ATXN7L1: variants seen among roughly 807,000 people sequenced by gnomAD.
ATXN7L1 encodes the protein ataxin-7-like protein 1.
In ATXN7L1, 15 loss-of-function variants were observed where a neutral mutation model predicts 70.8. The observed-to-expected ratio is 0.21, with a 90% CI of 0.14 to 0.33. The LOEUF is 0.33. Ranked by LOEUF, ATXN7L1 falls within the 10% of genes least tolerant of loss-of-function variation. The pLI, the probability that ATXN7L1 is intolerant of heterozygous loss-of-function variation, is 1.00. For missense variants in ATXN7L1, 975 were observed against 1,097.1 expected (o/e 0.89, Z 1.57); for synonymous variants, 440 against 445.1 (o/e 0.99, Z 0.14).
chr7:105,727,771 T>C (rs1418202612), intron 3 of ATXN7L1, among the ~76,000 whole-genome samples: 3 of 122,830 alleles, frequency 2.4e-5, no homozygotes, highest in African/African-American at 9.8e-5. Context: ...TATATATATA[T>C]ATATATACAC....
intron 9 of ATXN7L1, among the ~76,000 whole-genome samples, chr7:105,615,273 C>G (rs1398942919): frequency 6.6e-6 from 1 of 152,148 alleles, no homozygotes; most frequent in Non-Finnish European, 1.5e-5. Flanking sequence ...GCTTTGCTAC[C>G]TGGACACAGG....
Position 105,639,726 on chromosome 7 carries a change from A to G in ATXN7L1, c.863-157T>C, listed in dbSNP as rs1300304961. On this transcript the variant is annotated intron_variant, in intron 5 of 11. Coordinates refer to ENST00000419735, the MANE Select transcript of ATXN7L1 (RefSeq NM_020725.2). ...TTTTTTGTGTTTTGTTTTCTCAACC[A>G]GCTGCTAAAAGTCTTCCAGAACCGC... Among the ~76,000 whole-genome samples, 9 of 152,348 alleles carry G rather than the reference A, an allele frequency of 5.9e-5. No homozygotes were observed. The East Asian group carries it at 1.7e-3, about 29-fold the overall frequency.
intron 2 of ATXN7L1, among the ~76,000 whole-genome samples, chr7:105,850,310 A>G (rs1381810034): frequency 6.6e-6 from 1 of 152,200 alleles, no homozygotes; most frequent in African/African-American, 2.4e-5. Flanking sequence ...TCGGGAATAC[A>G]GCCTTCACCA....
chr7:105,638,241 GTAGTACTATT>G, intron 7 of ATXN7L1, 102 bp downstream of exon 7: 2 of 1,347,374 alleles, frequency 1.5e-6, no homozygotes, highest in Non-Finnish European at 2.0e-6. Flanking sequence ...GCCTTAGGAA[GTAGTACTATT>G]ATGATTTCCA....
intron 3 of ATXN7L1, among the ~76,000 whole-genome samples, chr7:105,710,403 T>C (rs1477330996): frequency 1.2e-4 from 2 of 17,360 alleles, no homozygotes; most frequent in Admixed American, 6.1e-4. Flanking sequence ...GCCATGCACT[T>C]TTTTTTTTTT....
chr7:105,831,416 T>C (rs1585106166), intron 2 of ATXN7L1, among the ~76,000 whole-genome samples: 1 of 152,184 alleles, frequency 6.6e-6, no homozygotes, highest in African/African-American at 2.4e-5. Flanking sequence ...AATTTCCAAC[T>C]CTGTGGGCTG....
At chr7:105,873,102 T>C (rs1169505535) in intron 2 of ATXN7L1, among the ~76,000 whole-genome samples, 1 of 151,980 alleles carries the variant, frequency 6.6e-6, no homozygotes, top group East Asian at 1.9e-4. Context: ...TGCAGTGAGC[T>C]GAGATTGCGC....
At chr7:105,658,523 CTTTTTTTT>C (rs36163594) in intron 4 of ATXN7L1, among the ~76,000 whole-genome samples, 3 of 107,398 alleles carry the variant, frequency 2.8e-5, no homozygotes, top group Non-Finnish European at 5.3e-5. Flanking sequence ...TGGCACATAA[CTTTTTTTT>C]TTTTTTTTTT....
chr7:105,792,031 G>A (rs1485826459), intron 2 of ATXN7L1, among the ~76,000 whole-genome samples: 8 of 152,200 alleles, frequency 5.3e-5, no homozygotes, highest in Non-Finnish European at 8.8e-5. Context: ...GTCGAGGCCT[G>A]TCAGGCTGCC....
chr7:105,751,076 A>T (rs1375561441), intron 3 of ATXN7L1, among the ~76,000 whole-genome samples: 6 of 152,150 alleles, frequency 3.9e-5, no homozygotes, highest in African/African-American at 1.2e-4. Context: ...CCAATTGCTG[A>T]ACATTTTTCT....
Position 105,875,794 on chromosome 7 carries a change from G to T in ATXN7L1, c.250+18C>A. On this transcript the variant is annotated intron_variant, in intron 2 of 11. Coordinates refer to ENST00000419735, the MANE Select transcript of ATXN7L1 (RefSeq NM_020725.2). ...CTGCCACACATGCTAACACTAAAAT[G>T]CCAGTAGCTCCACTTACCTTCTTTA... 6.2e-7 allele frequency: 1 copy of T among 1,602,686 alleles called. No homozygotes were observed. The highest frequency in any genetic ancestry group is 1.1e-5 in the South Asian group (1 of 90,754).
chr7:105,865,691 G>A (rs1563155436), intron 2 of ATXN7L1, among the ~76,000 whole-genome samples: 1 of 152,090 alleles, frequency 6.6e-6, no homozygotes, highest in Non-Finnish European at 1.5e-5. Flanking sequence ...GTGAGCCACT[G>A]CACCCGGGCC....
chr7:105,632,921 T>TAAAAAAA, intron 7 of ATXN7L1, among the ~76,000 whole-genome samples: 10 of 60,054 alleles, frequency 1.7e-4, no homozygotes, highest in Non-Finnish European at 2.5e-4. Context: ...ATCTTGTCTT[T>TAAAAAAA]AAAAAAAAAA....
intron 2 of ATXN7L1, among the ~76,000 whole-genome samples, chr7:105,795,285 C>T (rs963204386): frequency 3.1e-4 from 47 of 152,330 alleles, no homozygotes; most frequent in African/African-American, 9.4e-4. Context: ...ATGGGAGCAG[C>T]GTTTTATTCC....
At chr7:105,645,293 G>A (rs2094901695) in intron 4 of ATXN7L1, among the ~76,000 whole-genome samples, 1 of 152,042 alleles carries the variant, frequency 6.6e-6, no homozygotes, top group African/African-American at 2.4e-5. Flanking sequence ...TGTTTTACAT[G>A]TACAAACTAA....
In ATXN7L1 at chr7:105,740,082, A is replaced by T. The variant is rs58590006; in HGVS notation, c.355+48522T>A. Among the ~76,000 whole-genome samples the T allele has an allele frequency of 7.1e-3, 1,081 of 152,268 alleles. 15 individuals carry two copies. The highest frequency in any genetic ancestry group is 0.024 in the African/African-American group (1,005 of 41,534). On this transcript the variant is annotated intron_variant, in intron 3 of 11. Coordinates refer to ENST00000419735, the MANE Select transcript of ATXN7L1 (RefSeq NM_020725.2). ...ACTCTGTTTCCTTCTTTTATTTTCA[A>T]ATGTACCACTCTGCTGATTTCATGA...
chr7:105,686,859 G>A (rs966820633), intron 3 of ATXN7L1, among the ~76,000 whole-genome samples: 3 of 152,300 alleles, frequency 2.0e-5, no homozygotes, highest in Middle Eastern at 6.8e-3. Flanking sequence ...GCAAGACACT[G>A]AGAGGTTTAT....
At chr7:105,693,028 T>G (rs908022578) in intron 3 of ATXN7L1, among the ~76,000 whole-genome samples, 1 of 152,188 alleles carries the variant, frequency 6.6e-6, no homozygotes, top group African/African-American at 2.4e-5. Context: ...GAAACACTTC[T>G]TAAATTGCTT....
chr7:105,757,186 T>C (rs1799906895), intron 3 of ATXN7L1, among the ~76,000 whole-genome samples: 1 of 152,142 alleles, frequency 6.6e-6, no homozygotes, highest in Non-Finnish European at 1.5e-5. Context: ...TTGGTTTTCC[T>C]AGGGATTGTA....
Sources: gnomAD v4.1 joint callset for allele counts (sites outside exome capture counted in the v4.1 genomes callset) on GRCh38, gnomAD v4.1.1 for gene constraint, MANE v1.5 for transcripts, NCBI Gene and HGNC (gene_info 2026-07-23, HGNC 2026-07-21) for gene names.